FAM120B: variants seen among roughly 807,000 people sequenced by gnomAD.
FAM120B encodes the protein constitutive coactivator of peroxisome proliferator-activated receptor gamma.
In FAM120B, 83 loss-of-function variants were observed where a neutral mutation model predicts 96.3. The observed-to-expected ratio is 0.86, with a 90% CI of 0.72 to 1.03. The LOEUF (loss-of-function observed/expected upper bound fraction) is 1.03. Ranked by LOEUF, FAM120B falls within the 50% of genes least tolerant of loss-of-function variation. The probability of loss-of-function intolerance (pLI) is 0.00; values close to 1 mark genes in which losing one functional copy is unlikely to be tolerated. For synonymous variants in FAM120B, 407 were observed against 402.7 expected, an observed-to-expected ratio of 1.01 and a Z score of -0.13; for missense variants, 1,027 against 1,121.2, an observed-to-expected ratio of 0.92 and a Z score of 1.20.
At chr6:170,302,032 C>T (rs1784151701), upstream of FAM120B, among the ~76,000 whole-genome samples, 1 of 152,176 alleles carries the variant, frequency 6.6e-6, no homozygotes, top group African/African-American at 2.4e-5. Flanking sequence ...GGTATCTTTA[C>T]AACAGCACCT....
rs1785025570 is a variant in FAM120B, at chr6:170,318,162, G to A, written c.772G>A (p.Asp258Asn). The change falls in exon 2 of 11, where the codon GAC becomes AAC. Residue 258 changes from aspartate to asparagine, a missense_variant. Physicochemically the swap from Asp to Asn is conservative, Grantham distance 23 (BLOSUM62 1). Coordinates refer to ENST00000476287, the MANE Select transcript of FAM120B (RefSeq NM_032448.3). ...CTACACCTCTGTAAAAGAGAACTTT[G>A]ACAAAAAAGGTAACATCATATTAGC... ...SSYTSVKENF[D>N]KKGNIILAVS... 7 of 1,613,594 alleles carry A rather than the reference G, an allele frequency of 4.3e-6. No individual in the cohort carries two copies. The highest frequency in any genetic ancestry group is 2.2e-5 in the South Asian group (2 of 90,938).
In FAM120B at chr6:170,317,712, A is replaced by C. The variant is rs1217355247; in HGVS notation, c.322A>C (p.Asn108His). ...RDEWVKRRLK[N>H]NREISRIFHY... ...TGAATGGGTGAAACGAAGGCTCAAGAACAACAGGGAGATATCCAGGATTTT... is the reference window on the plus strand; with the variant it reads ...TGAATGGGTGAAACGAAGGCTCAAGCACAACAGGGAGATATCCAGGATTTT... Residue 108 changes from asparagine (N) to histidine (H), a missense_variant, in exon 2 of 11, where the codon AAC becomes CAC. Transcript: ENST00000476287. 6.2e-7 allele frequency: 1 copy of C among 1,614,082 alleles called. No individual in the cohort carries two copies. Among genetic ancestry groups the C allele is most frequent in the Non-Finnish European group, 8.5e-7 (1 of 1,180,034 alleles).
rs371043994 is a variant in FAM120B, at chr6:170,317,966, A to C, written c.576A>C (p.Ser192=). The change falls in exon 2 of 11, where the codon TCA becomes TCC. Residue 192 remains serine (S), a synonymous_variant. Transcript: ENST00000476287. The stretch of plus-strand genomic sequence containing the variant: ...TCTATGACACTTGTCCCTACTTTTC[A>C]ATTAGCGAGCTCTGCCTAGAGAGCC... ...YLIYDTCPYF[S]ISELCLESLD... 93 of 1,613,962 alleles carry C rather than the reference A, an allele frequency of 5.8e-5. No homozygotes were observed. The highest frequency in any genetic ancestry group is 5.5e-4 in the Admixed American group (33 of 60,008).
At chr6:170,305,590 G>T (rs1420315284), upstream of FAM120B, among the ~76,000 whole-genome samples, 1 of 152,216 alleles carries the variant, frequency 6.6e-6, no homozygotes, top group South Asian at 2.1e-4. Flanking sequence ...GCTCACCAGG[G>T]CTTATAGCTG....
chr6:170,348,051 A>G, intron 4 of FAM120B, 100 bp from the exon 5 acceptor site: 1 of 969,760 alleles, frequency 1.0e-6, no homozygotes, highest in Non-Finnish European at 1.5e-6. Context: ...TACATCAGGA[A>G]GGGAAGAGAT....
intron 4 of FAM120B, among the ~76,000 whole-genome samples, chr6:170,336,946 G>T (rs1039946250): frequency 6.6e-6 from 1 of 151,990 alleles, no homozygotes; most frequent in Non-Finnish European, 1.5e-5. Context: ...GAGACAATGG[G>T]GTTTTCTAAA....
chr6:170,352,794 A>G (rs1043209231), intron 5 of FAM120B, among the ~76,000 whole-genome samples: 4 of 152,194 alleles, frequency 2.6e-5, no homozygotes, highest in African/African-American at 7.2e-5. Flanking sequence ...AAAGATCTCA[A>G]GTTAACAACC....
In FAM120B at chr6:170,318,067, C is replaced by G; in HGVS notation, c.677C>G (p.Ala226Gly). Residue 226 changes from alanine (A) to glycine (G), a missense_variant, in exon 2 of 11, where the codon GCC becomes GGC. Coordinates refer to ENST00000476287, the MANE Select transcript of FAM120B (RefSeq NM_032448.3). ...GLCVADLPLL[A>G]CLLGNDIIPE... ...TGTGTGGCCGACCTTCCTCTTCTGGCCTGCCTCCTTGGCAACGACATAATC... is the reference window on the plus strand; with the variant it reads ...TGTGTGGCCGACCTTCCTCTTCTGGGCTGCCTCCTTGGCAACGACATAATC... 6.2e-7 allele frequency: 1 copy of G among 1,614,164 alleles called. No individual in the cohort carries two copies. The highest frequency in any genetic ancestry group is 8.5e-7 in the Non-Finnish European group (1 of 1,180,024).
chr6:170,372,716 C>G (rs1010185775), intron 6 of FAM120B, among the ~76,000 whole-genome samples: 1 of 152,160 alleles, frequency 6.6e-6, no homozygotes, highest in Non-Finnish European at 1.5e-5. Flanking sequence ...CCTCCTGCCC[C>G]TGCTAAAGGA....
At chr6:170,378,578 T>G (rs1330707119) in intron 6 of FAM120B, among the ~76,000 whole-genome samples, 1 of 152,224 alleles carries the variant, frequency 6.6e-6, no homozygotes, top group African/African-American at 2.4e-5. Flanking sequence ...ACGCCAACCC[T>G]TGTCGGATCT....
chr6:170,322,869 G>T (rs887316569), intron 2 of FAM120B, among the ~76,000 whole-genome samples: 2 of 152,000 alleles, frequency 1.3e-5, no homozygotes, highest in African/African-American at 4.8e-5. Flanking sequence ...TAGACGTTTG[G>T]AGAGAGGAGG....
In FAM120B at chr6:170,319,046, T is replaced by A; in HGVS notation, c.1656T>A (p.Ile552=). The part of the protein sequence containing the change: ...LEALMCTNPE[I]KQEDPTNVGP... ...CTCTCATGTGTACAAACCCTGAAATTAAACAAGAAGACCCCACAAATGTGG... is the reference window on the plus strand; with the variant it reads ...CTCTCATGTGTACAAACCCTGAAATAAAACAAGAAGACCCCACAAATGTGG... Residue 552 remains isoleucine, a synonymous_variant, in exon 2 of 11, where the codon ATT becomes ATA. Transcript: ENST00000476287. The A allele has an allele frequency of 6.2e-7, 1 of 1,607,118 alleles. No homozygotes were observed. The highest frequency in any genetic ancestry group is 2.2e-5 in the East Asian group (1 of 44,784).
At chr6:170,398,270 G>A (rs962108557) in intron 9 of FAM120B, among the ~76,000 whole-genome samples, 2 of 152,256 alleles carry the variant, frequency 1.3e-5, no homozygotes, top group African/African-American at 4.8e-5. Context: ...TCTATTTATT[G>A]AATGGTGGGT....
chr6:170,298,434 C>T (rs1016135896), intron 1 of FAM120B: 1 of 152,168 alleles, frequency 6.6e-6, no homozygotes, highest in Non-Finnish European at 1.5e-5. Context: ...TTCCTATTCC[C>T]TCTCTCCACC....
chr6:170,321,019 G>C (rs955100689), intron 2 of FAM120B, among the ~76,000 whole-genome samples: 1 of 152,210 alleles, frequency 6.6e-6, no homozygotes, highest in Admixed American at 6.5e-5. Context: ...AGGCAAAGCC[G>C]ACAGGGAGTT....
intron 6 of FAM120B, among the ~76,000 whole-genome samples, chr6:170,359,545 A>G (rs1349100206): frequency 6.6e-6 from 1 of 151,938 alleles, no homozygotes; most frequent in Non-Finnish European, 1.5e-5. Flanking sequence ...CCTCCTGGGT[A>G]GCTGGGACCA....
chr6:170,335,319 ATTC>A (rs1243610456), intron 4 of FAM120B, among the ~76,000 whole-genome samples: 2 of 151,050 alleles, frequency 1.3e-5, no homozygotes, highest in African/African-American at 4.9e-5. Context: ...TTGGTTTTCT[ATTC>A]TTGTGTTAGT....
chr6:170,362,658 A>G (rs144900960), intron 6 of FAM120B, among the ~76,000 whole-genome samples: 3 of 151,856 alleles, frequency 2.0e-5, no homozygotes, highest in Admixed American at 2.0e-4. Context: ...TGCAATAATA[A>G]TAATAATTTG....
At chr6:170,343,841 T>G (rs1228268664) in intron 4 of FAM120B, among the ~76,000 whole-genome samples, 1 of 152,152 alleles carries the variant, frequency 6.6e-6, no homozygotes, top group African/African-American at 2.4e-5. Context: ...ATTCCATAAG[T>G]TGTTTACCAG....
Sources: gnomAD v4.1 joint callset for allele counts (sites outside exome capture counted in the v4.1 genomes callset) on GRCh38, gnomAD v4.1.1 for gene constraint, MANE v1.5 for transcripts, NCBI Gene and HGNC (gene_info 2026-07-23, HGNC 2026-07-21) for gene names.